Variants in CTNNA2 observed in about 807,000 individuals in gnomAD.
CTNNA2 encodes the protein catenin alpha-2.
Under a neutral mutation model 101.0 loss-of-function variants are expected in CTNNA2, and 42 were observed. That is an observed-to-expected ratio of 0.42 (90% CI 0.32 to 0.54). The LOEUF (loss-of-function observed/expected upper bound fraction) is 0.54. Among genes scored for constraint, CTNNA2 ranks in the 20% least tolerant of loss-of-function variants. CTNNA2 has a pLI of 0.14. For synonymous variants in CTNNA2, 450 were observed against 456.4 expected (o/e 0.99, Z 0.18); for missense variants, 871 against 1,223.1 (o/e 0.71, Z 4.29).
intron 7 of CTNNA2, among the ~76,000 whole-genome samples, chr2:79,922,915 G>A (rs779756697): frequency 3.3e-5 from 5 of 151,900 alleles, no homozygotes; most frequent in Admixed American, 6.6e-5. Flanking sequence ...TGGATTTTCG[G>A]TATTCTATTC....
chr2:79,958,352 AG>A lies in CTNNA2; in HGVS notation c.1056+48556del, dbSNP rs1178674404. Among the ~76,000 whole-genome samples the A allele has an allele frequency of 2.2e-5, 3 of 137,264 alleles. No homozygotes were observed. The East Asian group carries it at 5.9e-4, about 27-fold the overall frequency. 90.1% of individuals were successfully genotyped at this position (137,264 alleles called of 152,430 possible). ...TCTTCCATGGTTAAAGGGACTTTGC[AG>A]ATGTAATTTAGTTAAGGATCTGGAG... On this transcript the variant is annotated intron_variant, in intron 7 of 18. Transcript: ENST00000402739.
At chr2:80,451,764 T>C (rs1683527365) in intron 9 of CTNNA2, among the ~76,000 whole-genome samples, 1 of 152,186 alleles carries the variant, frequency 6.6e-6, no homozygotes, top group African/African-American at 2.4e-5. Context: ...TATTTGGGAA[T>C]TAAGGAAAAT....
At chr2:79,519,689 A>C (rs1573228276) in intron 1 of CTNNA2, among the ~76,000 whole-genome samples, 1 of 152,260 alleles carries the variant, frequency 6.6e-6, no homozygotes, top group East Asian at 1.9e-4. Context: ...AAAAAACTTC[A>C]CCTTCAGTGG....
At position 80,648,745 on chromosome 2, in the gene CTNNA2, C is replaced by CACTA. The variant is rs547170336; in HGVS notation, c.*881_*884dup. On this transcript the variant is annotated 3_prime_UTR_variant, in exon 19 of 19. Coordinates refer to ENST00000402739, the MANE Select transcript of CTNNA2 (RefSeq NM_001282597.3). ...CTGGTATCTAATATACCATTGTATT[C>CACTA]ACTAACTAACTCAAAATAAACACAT... 60 of 152,176 alleles carry CACTA rather than the reference C, an allele frequency of 3.9e-4. No individual in the cohort carries two copies. In the East Asian group the frequency reaches 4.1e-3, roughly 10 times the overall value. The allele number at this position is 152,176 out of a possible 1,614,324, so 9.4% of individuals were successfully genotyped here. A position where few individuals can be genotyped will look rare whatever the true frequency, so the allele number is the denominator to read the frequency against.
intron 7 of CTNNA2, among the ~76,000 whole-genome samples, chr2:80,037,779 C>T (rs1318659666): frequency 6.6e-6 from 1 of 152,060 alleles, no homozygotes; most frequent in African/African-American, 2.4e-5. Flanking sequence ...GTCATTCATT[C>T]TGTAACTAAA....
chr2:80,344,463 A>T (rs990554085), intron 7 of CTNNA2, among the ~76,000 whole-genome samples: 1 of 152,136 alleles, frequency 6.6e-6, no homozygotes, highest in Non-Finnish European at 1.5e-5. Flanking sequence ...CAACACATGA[A>T]TGTTTTATTG....
At chr2:80,333,623 T>C (rs1198047373) in intron 7 of CTNNA2, among the ~76,000 whole-genome samples, 1 of 152,094 alleles carries the variant, frequency 6.6e-6, no homozygotes, top group Non-Finnish European at 1.5e-5. Flanking sequence ...ACCTTTTTTT[T>C]CTTCTTTTTT....
intron 9 of CTNNA2, among the ~76,000 whole-genome samples, chr2:80,430,715 C>T (rs1157230074): frequency 6.6e-6 from 1 of 152,126 alleles, no homozygotes; most frequent in Non-Finnish European, 1.5e-5. Context: ...AGTGTTGCCA[C>T]ATTAGACATT....
chr2:79,779,740 G>A (rs1257588623), intron 3 of CTNNA2, among the ~76,000 whole-genome samples: 1 of 152,024 alleles, frequency 6.6e-6, no homozygotes, highest in Non-Finnish European at 1.5e-5. Context: ...ACACAGAGAG[G>A]AGCCATTGCA....
chr2:79,787,431 T>C (rs1355047539), intron 3 of CTNNA2, among the ~76,000 whole-genome samples: 1 of 152,114 alleles, frequency 6.6e-6, no homozygotes, highest in African/African-American at 2.4e-5. Context: ...GGGTTGTTTG[T>C]GTTGTTCATA....
chr2:80,219,791 C>T (rs1269885812), intron 7 of CTNNA2, among the ~76,000 whole-genome samples: 1 of 152,148 alleles, frequency 6.6e-6, no homozygotes, highest in Non-Finnish European at 1.5e-5. Context: ...AGCCCTCTTG[C>T]TTCTTAATTA....
chr2:79,615,480 TTTA>T (rs1453446415), intron 1 of CTNNA2, among the ~76,000 whole-genome samples: 2 of 152,332 alleles, frequency 1.3e-5, no homozygotes, highest in African/African-American at 4.8e-5. Flanking sequence ...ATATTTGAGC[TTTA>T]TTATTTCATT....
intron 2 of CTNNA2, among the ~76,000 whole-genome samples, chr2:79,298,998 A>C (rs1292041395): frequency 6.6e-6 from 1 of 152,188 alleles, no homozygotes. Context: ...TCATTTGAAG[A>C]GCTTAGAACA....
chr2:79,712,177 A>C (rs1366548779), intron 2 of CTNNA2, among the ~76,000 whole-genome samples: 1 of 152,212 alleles, frequency 6.6e-6, no homozygotes, highest in African/African-American at 2.4e-5. Context: ...TATTAGCTCG[A>C]TCTTTAGTGA....
At chr2:80,431,037 A>G (rs1292557071) in intron 9 of CTNNA2, among the ~76,000 whole-genome samples, 1 of 152,160 alleles carries the variant, frequency 6.6e-6, no homozygotes, top group Non-Finnish European at 1.5e-5. Flanking sequence ...AAGTGTTTTA[A>G]TTGCCCAGGA....
At chr2:79,940,671 G>A (rs1163059022) in intron 7 of CTNNA2, among the ~76,000 whole-genome samples, 1 of 152,182 alleles carries the variant, frequency 6.6e-6, no homozygotes, top group Admixed American at 6.6e-5. Context: ...TTCTGTTGGT[G>A]TGCTCAAGGG....
chr2:80,151,353 A>G (rs567366457), intron 7 of CTNNA2, among the ~76,000 whole-genome samples: 1 of 152,316 alleles, frequency 6.6e-6, no homozygotes, highest in South Asian at 2.1e-4. Flanking sequence ...CTTGAGCTAC[A>G]GTCTAGTGTG....
At chr2:80,495,939 CAAAAAAAA>C (rs60582703) in intron 9 of CTNNA2, among the ~76,000 whole-genome samples, 17 of 35,770 alleles carry the variant, frequency 4.8e-4, no homozygotes, top group Admixed American at 2.0e-3. Flanking sequence ...GACTCTGTCT[CAAAAAAAA>C]AAAAAAAAAA....
intron 2 of CTNNA2, among the ~76,000 whole-genome samples, chr2:79,735,414 C>A (rs1019426449): frequency 6.6e-6 from 1 of 152,046 alleles, no homozygotes; most frequent in African/African-American, 2.4e-5. Flanking sequence ...GATCCAGTTC[C>A]CAAATGCTCT....
Sources: gnomAD v4.1 joint callset for allele counts (sites outside exome capture counted in the v4.1 genomes callset) on GRCh38, gnomAD v4.1.1 for gene constraint, MANE v1.5 for transcripts, NCBI Gene and HGNC (gene_info 2026-07-23, HGNC 2026-07-21) for gene names.